SCAMP4: variants seen among roughly 807,000 people sequenced by gnomAD.
SCAMP4 encodes the protein secretory carrier-associated membrane protein 4.
A neutral mutation model predicts 32.1 loss-of-function variants in SCAMP4; 19 were observed. That is an observed-to-expected ratio of 0.59 (90% CI 0.41 to 0.87). SCAMP4 has a LOEUF of 0.87. SCAMP4 is among the 40% of genes least tolerant of loss of function. The pLI is 0.00. For missense variants in SCAMP4, 302 were observed against 309.0 expected (o/e 0.98, Z 0.17); for synonymous variants, 152 against 132.7 (o/e 1.15, Z -1.00).
rs3810415 is a variant in SCAMP4, at chr19:1,924,654, C to A, written c.*370C>A. 0.48 allele frequency: 130,335 copies of A among 273,894 alleles called. 35,291 individuals carry two copies. Among genetic ancestry groups the A allele is most frequent in the Non-Finnish European group, 0.6 (80,454 of 134,588 alleles). 17.0% of individuals were successfully genotyped at this position (273,894 alleles called of 1,614,324 possible). On this transcript the variant is annotated 3_prime_UTR_variant, in exon 7 of 7. Coordinates refer to ENST00000316097, the MANE Select transcript of SCAMP4 (RefSeq NM_079834.4). ...CAGGTCGGCCGCCCTCCCGTCCTCC[C>A]AGAGCTGCTGGCGCTGAGGTCAGAG...
rs1431250418 is a variant in SCAMP4, at chr19:1,924,165, A to G, written c.571A>G (p.Asn191Asp). 1.9e-6 allele frequency: 3 copies of G among 1,612,182 alleles called. No individual in the cohort carries two copies. The highest frequency in any genetic ancestry group is 2.5e-6 in the Non-Finnish European group (3 of 1,179,194). Residue 191 changes from asparagine to aspartate, a missense_variant, in exon 7 of 7, where the codon AAC becomes GAC. Physicochemically the swap from Asn to Asp is conservative, Grantham distance 23. Transcript: ENST00000316097. ...CTTCCAGAAGGCACAGACGGAGTGG[A>G]ACACGGGCACTTGGCGGAACCCACC... Reference protein sequence around the residue: ...GSFQKAQTEWNTGTWRNPPSR... With the variant: ...GSFQKAQTEWDTGTWRNPPSR...
rs774629013 is a variant in SCAMP4, at chr19:1,913,158, C to T, written c.-41-1821C>T. The stretch of plus-strand genomic sequence containing the variant: ...GCTGGACCCCGACACGTAGGCGCCG[C>T]CCTCCTGCCTCCGGACCCTTCCCGC... On this transcript the variant is annotated intron_variant, in intron 1 of 6. Transcript: ENST00000316097. 124 of 1,530,416 alleles carry T rather than the reference C, an allele frequency of 8.1e-5. No individual in the cohort carries two copies. In the Middle Eastern group the frequency reaches 2.4e-3, roughly 30 times the overall value. 94.8% of individuals were successfully genotyped at this position (1,530,416 alleles called of 1,614,324 possible). A position where few individuals can be genotyped will look rare whatever the true frequency, so the allele number is the denominator to read the frequency against.
intron 1 of SCAMP4, chr19:1,912,854 G>T (rs1421507475): frequency 1.4e-5 from 23 of 1,596,712 alleles, no homozygotes; most frequent in Non-Finnish European, 1.9e-5. Context: ...CCTTCGCCCC[G>T]GCCGCTGCCC....
Position 1,914,648 on chromosome 19 carries a change from GC to G in SCAMP4, c.-41-330del, listed in dbSNP as rs1276860572. On this transcript the variant is annotated intron_variant, in intron 1 of 6. Coordinates refer to ENST00000316097, the MANE Select transcript of SCAMP4 (RefSeq NM_079834.4). Reference sequence around the variant, plus strand: ...TAGGCCCTGCAGCGTTCACCTTGTGGCGCCCACCCCTTGTGGGCTGAAGCCG... The same window carrying G: ...TAGGCCCTGCAGCGTTCACCTTGTGGGCCCACCCCTTGTGGGCTGAAGCCG... 6 of 411,276 alleles carry G rather than the reference GC, an allele frequency of 1.5e-5. No homozygotes were observed. The East Asian group carries it at 3.1e-4, about 21-fold the overall frequency. 25.5% of individuals were successfully genotyped at this position (411,276 alleles called of 1,614,324 possible).
intron 1 of SCAMP4, chr19:1,912,679 T>G: frequency 1.4e-6 from 2 of 1,446,910 alleles, no homozygotes; most frequent in Non-Finnish European, 1.8e-6. Context: ...TTGCGGGCCG[T>G]GGGGGCCGTG....
chr19:1,919,761 A>G (rs2013860370), intron 5 of SCAMP4, among the ~76,000 whole-genome samples: 1 of 151,084 alleles, frequency 6.6e-6, no homozygotes, highest in Non-Finnish European at 1.5e-5. Context: ...AGCCTCCCAA[A>G]GTGCTAGGAT....
intron 5 of SCAMP4, chr19:1,920,098 A>G (rs745543981): frequency 1.8e-4 from 181 of 983,848 alleles, no homozygotes; most frequent in Non-Finnish European, 2.1e-4. Flanking sequence ...GGCGTGAGCC[A>G]CTGTGCCTGG....
At position 1,924,124 on chromosome 19, in the gene SCAMP4, G is replaced by A. The variant is rs201563493; in HGVS notation, c.530G>A (p.Arg177Gln). The change falls in exon 7 of 7, where the codon CGA becomes CAA. Residue 177 changes from arginine (R) to glutamine (Q), a missense_variant. Transcript: ENST00000316097. ...TCCTTGCAGGTGCACAGGATCTACC[G>A]AGGGGCTGGCGGAAGCTTCCAGAAG... ...IAIMKVHRIY[R>Q]GAGGSFQKAQ... is the part of the protein sequence containing the mutation. 1.5e-4 allele frequency: 236 copies of A among 1,610,294 alleles called. 2 individuals are homozygous for A. The highest frequency in any genetic ancestry group is 5.0e-4 in the Middle Eastern group (3 of 6,054).
At chr19:1,913,447 A>C (rs1250041585) in intron 1 of SCAMP4, 4 of 512,624 alleles carry the variant, frequency 7.8e-6, no homozygotes, top group Non-Finnish European at 1.1e-5. Flanking sequence ...CCCAAAACCA[A>C]GTGGGTGTCT....
intron 1 of SCAMP4, chr19:1,912,937 G>A: frequency 6.2e-7 from 1 of 1,610,298 alleles, no homozygotes; most frequent in Non-Finnish European, 8.5e-7. Context: ...CTGTGCACTG[G>A]CTACGACCTG....
chr19:1,920,567 G>T, intron 5 of SCAMP4: 1 of 981,634 alleles, frequency 1.0e-6, no homozygotes, highest in Non-Finnish European at 1.2e-6. Flanking sequence ...GTTGCCCCAG[G>T]GATCTGAGTT....
chr19:1,912,044 C>T, intron 1 of SCAMP4: 10 of 1,416,514 alleles, frequency 7.1e-6, no homozygotes, highest in Non-Finnish European at 9.2e-6. Context: ...CCCGCAGCCG[C>T]CGGATGATCC....
Position 1,918,880 on chromosome 19 carries a change from C to T in SCAMP4, c.294-9C>T, listed in dbSNP as rs764947006. ...TGTGGTAACCGTCGTGTTTTCTGTC[C>T]CTCCCCAGAGCCGACAGCTCCTTTA... On this transcript the variant is annotated splice_polypyrimidine_tract_variant and intron_variant, in intron 4 of 6. Coordinates refer to ENST00000316097, the MANE Select transcript of SCAMP4 (RefSeq NM_079834.4). The T allele has an allele frequency of 1.3e-6, 2 of 1,597,406 alleles. No homozygotes were observed. The highest frequency in any genetic ancestry group is 1.1e-5 in the South Asian group (1 of 88,158).
intron 1 of SCAMP4, chr19:1,912,236 C>T (rs775135139): frequency 1.3e-5 from 20 of 1,596,114 alleles, no homozygotes; most frequent in Admixed American, 1.0e-4. Flanking sequence ...TGGCCTACGC[C>T]GCGCCCGTCC....
Position 1,906,866 on chromosome 19 carries a change from T to TG in SCAMP4, c.-42+1427_-42+1428insG, listed in dbSNP as rs1555836653. 383 of 130,076 alleles carry TG rather than the reference T, an allele frequency of 2.9e-3. 1 individual carries two copies. The highest frequency in any genetic ancestry group is 4.5e-3 in the East Asian group (19 of 4,216). The allele number at this position is 130,076 out of a possible 1,614,324, so 8.1% of individuals were successfully genotyped here. On this transcript the variant is annotated intron_variant, in intron 1 of 6. Coordinates refer to ENST00000316097, the MANE Select transcript of SCAMP4 (RefSeq NM_079834.4). ...ACTCCGTCTCAAAAAAAAAAAAAAATTGTGTGTGTGTGTGTGTGTGTGTAA... is the reference window on the plus strand; with the variant it reads ...ACTCCGTCTCAAAAAAAAAAAAAAATGTGTGTGTGTGTGTGTGTGTGTGTAA...
At chr19:1,907,030 A>G (rs1242329918) in intron 1 of SCAMP4, 1 of 151,720 alleles carries the variant, frequency 6.6e-6, no homozygotes, top group African/African-American at 2.4e-5. Flanking sequence ...TACTAAAAAT[A>G]TAAAAAATTA....
intron 5 of SCAMP4, chr19:1,921,811 C>A: frequency 1.0e-6 from 1 of 984,046 alleles, no homozygotes; most frequent in Non-Finnish European, 1.2e-6. Flanking sequence ...GAGAAACCAT[C>A]TCTCCAGAAA....
intron 2 of SCAMP4, among the ~76,000 whole-genome samples, chr19:1,916,020 C>T (rs1599248597): frequency 6.7e-6 from 1 of 149,794 alleles, no homozygotes. Flanking sequence ...CCGAGGTGGG[C>T]AGATGATGAG....
rs1031248005 is a variant in SCAMP4, at chr19:1,924,759, C to T, written c.*475C>T. 1.6e-5 allele frequency: 3 copies of T among 193,272 alleles called. No individual in the cohort carries two copies. The highest frequency in any genetic ancestry group is 3.3e-5 in the Non-Finnish European group (3 of 90,498). 12.0% of individuals were successfully genotyped at this position (193,272 alleles called of 1,614,324 possible). ...GCCCTTGGCCGGAACTAATAAGAGG[C>T]GTCGGGGCCAGCTTCCGGTCCCCTG... On this transcript the variant is annotated 3_prime_UTR_variant, in exon 7 of 7. Coordinates refer to ENST00000316097, the MANE Select transcript of SCAMP4 (RefSeq NM_079834.4).
Sources: allele counts gnomAD v4.1 joint callset (sites outside exome capture counted in the v4.1 genomes callset), GRCh38; gene constraint gnomAD v4.1.1; transcripts MANE v1.5; gene names NCBI Gene and HGNC (gene_info 2026-07-23, HGNC 2026-07-21).